HTR2B: variants seen among roughly 807,000 people sequenced by gnomAD.
HTR2B encodes 5-HT 2B receptor.
HTR2B carries 31 observed loss-of-function variants against 39.8 expected under a neutral mutation model. The observed-to-expected ratio is 0.78, with a 90% CI of 0.58 to 1.05. The LOEUF is 1.05. HTR2B is among the 50% of genes least tolerant of loss of function. The probability of loss-of-function intolerance (pLI) is 0.00; values close to 1 mark genes in which losing one functional copy is unlikely to be tolerated. For missense variants in HTR2B, 562 were observed against 578.0 expected, an observed-to-expected ratio of 0.97 and a Z score of 0.28; for synonymous variants, 210 against 207.1, an observed-to-expected ratio of 1.01 and a Z score of -0.12.
intron 3 of HTR2B, 59 bp from the exon 4 acceptor site, chr2:231,109,468 A>G (rs1244168193): frequency 7.1e-7 from 1 of 1,416,112 alleles, no homozygotes; most frequent in Non-Finnish European, 1.0e-6. Context: ...CTCTTCGATT[A>G]GATCCTTTTG....
Position 231,123,487 on chromosome 2 carries a change from A to G in HTR2B, c.278T>C (p.Leu93Pro), listed in dbSNP as rs375657671. The G allele has an allele frequency of 1.2e-6, 2 of 1,614,118 alleles. No homozygotes were observed. Among genetic ancestry groups the G allele is most frequent in the Non-Finnish European group, 1.7e-6 (2 of 1,179,944 alleles). Residue 93 changes from leucine (L) to proline (P), a missense_variant, in exon 2 of 4, where the codon CTA becomes CCA. Physicochemically the swap from Leu to Pro is moderately conservative, Grantham distance 98 (BLOSUM62 -3). Transcript: ENST00000258400. The stretch of plus-strand genomic sequence containing the variant: ...CAAATCAGCCACCGCCAAGGACATT[A>G]GAAAGTAATTAGTAGCATACTGCAG... ...KKLQYATNYF[L>P]MSLAVADLLV...
chr2:231,122,722 G>T (rs193167610), intron 2 of HTR2B, among the ~76,000 whole-genome samples: 1 of 151,572 alleles, frequency 6.6e-6, no homozygotes, highest in Admixed American at 6.6e-5. Flanking sequence ...TTTTATTATC[G>T]CAATAACTAG....
At chr2:231,114,000 G>A in intron 2 of HTR2B, 71 bp from the exon 3 acceptor site, 2 of 1,211,766 alleles carry the variant, frequency 1.7e-6, no homozygotes, top group South Asian at 1.3e-5. Flanking sequence ...AGTTTTTCAG[G>A]TGATACATCT....
Position 231,123,844 on chromosome 2 carries a change from A to G in HTR2B, c.-80T>C, listed in dbSNP as rs1221420080. 5 of 1,130,032 alleles carry G rather than the reference A, an allele frequency of 4.4e-6. No individual in the cohort carries two copies. The highest frequency in any genetic ancestry group is 3.1e-5 in the African/African-American group (2 of 65,286). The allele number at this position is 1,130,032 out of a possible 1,614,324, so 70.0% of individuals were successfully genotyped here. ...AGCTAAGCTGCTCATCTGTTTTTTT[A>G]AGGCATTGTAACCATGCCAAACACT... On this transcript the variant is annotated 5_prime_UTR_variant, in exon 2 of 4. The change abolishes the stop of an existing upstream ORF in the 5' untranslated region. Coordinates refer to ENST00000258400, the MANE Select transcript of HTR2B (RefSeq NM_000867.5).
chr2:231,117,360 G>A (rs1251191032), intron 2 of HTR2B, among the ~76,000 whole-genome samples: 1 of 152,020 alleles, frequency 6.6e-6, no homozygotes, highest in Non-Finnish European at 1.5e-5. Context: ...AGAAAGAAAT[G>A]TGTATCTAAG....
intron 2 of HTR2B, among the ~76,000 whole-genome samples, chr2:231,118,610 A>G (rs1476072754): frequency 2.6e-5 from 4 of 151,880 alleles, no homozygotes; most frequent in Non-Finnish European, 5.9e-5. Context: ...CTTTCTTTTG[A>G]ATTAGTACAA....
chr2:231,108,970 G>A lies in HTR2B; in HGVS notation c.993C>T (p.Phe331=), dbSNP rs1159211667. The A allele has an allele frequency of 1.2e-6, 2 of 1,614,126 alleles. No individual in the cohort carries two copies. Residue 331 remains phenylalanine (F), a synonymous_variant, in exon 4 of 4, where the codon TTC becomes TTT. Coordinates refer to ENST00000258400, the MANE Select transcript of HTR2B (RefSeq NM_000867.5). ...RASKVLGIVF[F]LFLLMWCPFF... Reference sequence around the variant, plus strand: ...AGGGACACCACATAAGCAAAAAGAGGAAAAACACAATCCCTAGGACCTTTG... The same window carrying A: ...AGGGACACCACATAAGCAAAAAGAGAAAAAACACAATCCCTAGGACCTTTG...
chr2:231,111,223 T>C (rs2125208994), intron 3 of HTR2B, among the ~76,000 whole-genome samples: 1 of 152,346 alleles, frequency 6.6e-6, no homozygotes, highest in South Asian at 2.1e-4. Context: ...ACTAAAGCCA[T>C]CTACAAGTCT....
At chr2:231,122,540 G>A (rs1695581364) in intron 2 of HTR2B, among the ~76,000 whole-genome samples, 1 of 152,118 alleles carries the variant, frequency 6.6e-6, no homozygotes, top group African/African-American at 2.4e-5. Flanking sequence ...CATTGAATAA[G>A]TTAAATATCC....
chr2:231,123,934 C>G lies in HTR2B; in HGVS notation c.-170G>C, dbSNP rs1695647698. On this transcript the variant is annotated 5_prime_UTR_variant, in exon 2 of 4. Transcript: ENST00000258400. ...TCAAGTTCTCTAAAATGAGCGCATA[C>G]ACACATCTGTCCATGTTTGTAGGTA... The G allele has an allele frequency of 1.5e-6, 1 of 660,906 alleles. No individual in the cohort carries two copies. Among genetic ancestry groups the G allele is most frequent in the African/African-American group, 1.8e-5 (1 of 55,516 alleles). 40.9% of individuals were successfully genotyped at this position (660,906 alleles called of 1,614,324 possible).
At chr2:231,112,154 T>G (rs1212969036) in intron 3 of HTR2B, among the ~76,000 whole-genome samples, 2 of 152,134 alleles carry the variant, frequency 1.3e-5, no homozygotes, top group African/African-American at 4.8e-5. Context: ...CACCCCAATA[T>G]ACACATACCT....
intron 2 of HTR2B, among the ~76,000 whole-genome samples, chr2:231,116,978 G>A (rs1268045642): frequency 6.6e-6 from 1 of 151,912 alleles, no homozygotes; most frequent in Non-Finnish European, 1.5e-5. Flanking sequence ...AAAAGAAAAA[G>A]AGGCTTTTTT....
At position 231,108,441 on chromosome 2, in the gene HTR2B, T is replaced by G. The variant is rs895655952; in HGVS notation, c.*76A>C. The G allele has an allele frequency of 5.8e-6, 6 of 1,028,524 alleles. No individual in the cohort carries two copies. The highest frequency in any genetic ancestry group is 8.9e-6 in the Non-Finnish European group (6 of 675,108). 63.7% of individuals were successfully genotyped at this position (1,028,524 alleles called of 1,614,324 possible). A position where few individuals can be genotyped will look rare whatever the true frequency, so the allele number is the denominator to read the frequency against. On this transcript the variant is annotated 3_prime_UTR_variant, in exon 4 of 4. Transcript: ENST00000258400. ...GATATATGACATAAAATTCTTTATA[T>G]AATATATTCTTGGCACATTTACATC... is the stretch of plus-strand genomic sequence containing the variant.
rs1314079588 is a variant in HTR2B at position 231,109,308 on chromosome 2, G to A, written c.655C>T (p.Leu219Phe). ...LTKERFGDFM[L>F]FGSLAAFFTP... ...AAGAAGGCAGCCAGTGAGCCAAAGA[G>A]CATGAAATCGCCAAAACGTTCCTTT... is the stretch of plus-strand genomic sequence containing the variant. The change falls in exon 4 of 4, where the codon CTC becomes TTC. Residue 219 changes from leucine to phenylalanine, a missense_variant. Physicochemically the swap from Leu to Phe is conservative, Grantham distance 22. Coordinates refer to ENST00000258400, the MANE Select transcript of HTR2B (RefSeq NM_000867.5). The A allele has an allele frequency of 1.2e-6, 2 of 1,614,112 alleles. No homozygotes were observed. Among genetic ancestry groups the A allele is most frequent in the African/African-American group, 1.3e-5 (1 of 75,054 alleles).
intron 2 of HTR2B, among the ~76,000 whole-genome samples, chr2:231,121,085 T>C (rs1695524413): frequency 6.6e-6 from 1 of 152,238 alleles, no homozygotes; most frequent in Admixed American, 6.5e-5. Context: ...TCATAGAAAT[T>C]GAATTATGCT....
At chr2:231,119,028 G>GTT (rs2125224468) in intron 2 of HTR2B, among the ~76,000 whole-genome samples, 1 of 152,212 alleles carries the variant, frequency 6.6e-6, no homozygotes, top group East Asian at 1.9e-4. Context: ...TTTCTGTTTT[G>GTT]TTTTTTACTT....
At chr2:231,118,834 TG>T (rs1475103553) in intron 2 of HTR2B, among the ~76,000 whole-genome samples, 2 of 152,234 alleles carry the variant, frequency 1.3e-5, no homozygotes, top group Non-Finnish European at 2.9e-5. Flanking sequence ...CCAAGTGGGC[TG>T]TTCCTATAGT....
rs1695086229 is a variant in HTR2B, at chr2:231,109,571, T to C, written c.554-162A>G. ...GTCGAAGCATTCATCAGTGAAGATT[T>C]GACAAACAGAACCTAAGTGAGCAAA... On this transcript the variant is annotated intron_variant, in intron 3 of 3. Transcript: ENST00000258400. Among the ~76,000 whole-genome samples, 5 of 152,214 alleles carry C rather than the reference T, an allele frequency of 3.3e-5. No individual in the cohort carries two copies. The South Asian group carries it at 1.0e-3, about 32-fold the overall frequency.
At position 231,113,925 on chromosome 2, in the gene HTR2B, A is replaced by C. The variant is rs1478512430; in HGVS notation, c.357T>G (p.Ala119=). 2 of 1,613,578 alleles carry C rather than the reference A, an allele frequency of 1.2e-6. No homozygotes were observed. The highest frequency in any genetic ancestry group is 2.7e-5 in the African/African-American group (2 of 74,942). Reference sequence around the variant, plus strand: ...ATAGAACAAGTGGGAGGGGCCACATAGCCTCTGAAAGAAACAAAAACAAGA... The same window carrying C: ...ATAGAACAAGTGGGAGGGGCCACATCGCCTCTGAAAGAAACAAAAACAAGA... ...PIALLTIMFE[A]MWPLPLVLCP... Residue 119 remains alanine, a synonymous_variant, in exon 3 of 4, where the codon GCT becomes GCG. Coordinates refer to ENST00000258400, the MANE Select transcript of HTR2B (RefSeq NM_000867.5).
Sources: allele counts gnomAD v4.1 joint callset (sites outside exome capture counted in the v4.1 genomes callset), GRCh38; gene constraint gnomAD v4.1.1; transcripts MANE v1.5; gene names NCBI Gene and HGNC (gene_info 2026-07-23, HGNC 2026-07-21).